Variants in ZNF367 observed in about 807,000 individuals in gnomAD.
ZNF367 encodes zinc finger protein 367, also known as C2H2 zinc finger protein ZFF29.
In ZNF367, 11 loss-of-function variants were observed where a neutral mutation model predicts 31.8. The ratio of observed to expected loss-of-function variants is 0.35; its 90% CI spans 0.22 to 0.57. ZNF367 has a LOEUF of 0.57. Among genes scored for constraint, ZNF367 ranks in the 20% least tolerant of loss-of-function variants. ZNF367 has a pLI of 0.85. For synonymous variants in ZNF367, 199 were observed against 202.4 expected, an observed-to-expected ratio of 0.98 and a Z score of 0.14; for missense variants, 353 against 484.1, an observed-to-expected ratio of 0.73 and a Z score of 2.54.
intron 1 of ZNF367, among the ~76,000 whole-genome samples, chr9:96,399,751 G>T (rs1831578476): frequency 6.6e-6 from 1 of 152,162 alleles, no homozygotes; most frequent in African/African-American, 2.4e-5. Flanking sequence ...CCGAGAGGTG[G>T]AGGTTGCAGT....
chr9:96,387,421 C>T lies in ZNF367; in HGVS notation c.*816G>A, dbSNP rs977831970. On this transcript the variant is annotated 3_prime_UTR_variant, in exon 5 of 5. Transcript: ENST00000375256. Reference sequence around the variant, plus strand: ...AAGTGCCAAATCTCATTACAGGGCCCTTAATATGTATTTTTAAAATTACCA... The same window carrying T: ...AAGTGCCAAATCTCATTACAGGGCCTTTAATATGTATTTTTAAAATTACCA... The T allele has an allele frequency of 1.1e-4, 17 of 152,148 alleles. No homozygotes were observed. The highest frequency in any genetic ancestry group is 3.9e-4 in the African/African-American group (16 of 41,436). 9.4% of individuals were successfully genotyped at this position (152,148 alleles called of 1,614,324 possible).
intron 4 of ZNF367, among the ~76,000 whole-genome samples, chr9:96,388,945 A>G (rs1316697417): frequency 6.6e-6 from 1 of 152,254 alleles, no homozygotes; most frequent in Admixed American, 6.5e-5. Flanking sequence ...ATTCTGTTAC[A>G]TGGCCAACTG....
chr9:96,405,092 T>G (rs1353332549), intron 1 of ZNF367, among the ~76,000 whole-genome samples: 4 of 152,004 alleles, frequency 2.6e-5, no homozygotes, highest in African/African-American at 4.8e-5. Flanking sequence ...GAGGCCAAGG[T>G]GGGTGGATCA....
intron 3 of ZNF367, 64 bp downstream of exon 3, chr9:96,394,759 A>G: frequency 6.9e-7 from 1 of 1,453,314 alleles, no homozygotes; most frequent in Non-Finnish European, 9.2e-7. Context: ...AAATTCAAGG[A>G]AAGGATATTT....
At chr9:96,413,784 GAACA>G (rs1189841819) in intron 1 of ZNF367, among the ~76,000 whole-genome samples, 2 of 152,172 alleles carry the variant, frequency 1.3e-5, no homozygotes, top group Non-Finnish European at 2.9e-5. Flanking sequence ...TGTTGGGCAG[GAACA>G]ATCAAAAGAG....
intron 4 of ZNF367, among the ~76,000 whole-genome samples, chr9:96,390,334 A>G (rs552457948): frequency 1.1e-3 from 161 of 152,328 alleles, no homozygotes; most frequent in African/African-American, 3.8e-3. Context: ...AGAAAGTGCA[A>G]ATTGTTCAGT....
At chr9:96,400,307 T>C (rs893934774) in intron 1 of ZNF367, among the ~76,000 whole-genome samples, 1 of 146,982 alleles carries the variant, frequency 6.8e-6, no homozygotes, top group African/African-American at 2.5e-5. Flanking sequence ...GTGGGAGAAT[T>C]ACTTGACCCT....
intron 1 of ZNF367, among the ~76,000 whole-genome samples, chr9:96,414,567 T>C (rs1028838825): frequency 6.6e-6 from 1 of 152,114 alleles, no homozygotes; most frequent in African/African-American, 2.4e-5. Context: ...AACCTCCGTC[T>C]CCAGGGTTCA....
At chr9:96,397,418 A>T (rs1447096661) in intron 2 of ZNF367, among the ~76,000 whole-genome samples, 1 of 152,158 alleles carries the variant, frequency 6.6e-6, no homozygotes, top group Non-Finnish European at 1.5e-5. Flanking sequence ...ACCATAGTTC[A>T]CCACAGATTT....
At chr9:96,406,775 C>T (rs113859922) in intron 1 of ZNF367, among the ~76,000 whole-genome samples, 2,757 of 149,028 alleles carry the variant, frequency 0.018, 85 homozygotes, top group African/African-American at 0.064. Context: ...CCGAGGCAGG[C>T]GGATCACGAG....
chr9:96,415,018 TG>T (rs1220179620), intron 1 of ZNF367, among the ~76,000 whole-genome samples: 3 of 151,918 alleles, frequency 2.0e-5, no homozygotes, highest in Non-Finnish European at 4.4e-5. Context: ...AACTTATAAA[TG>T]GTTAACACAA....
chr9:96,410,901 A>G (rs1231180136), intron 1 of ZNF367, among the ~76,000 whole-genome samples: 1 of 143,524 alleles, frequency 7.0e-6, no homozygotes, highest in Non-Finnish European at 1.6e-5. Context: ...AAAACAAAAC[A>G]AAAAAAACAT....
intron 3 of ZNF367, among the ~76,000 whole-genome samples, 175 bp from the exon 4 acceptor site, chr9:96,392,711 G>A (rs1831486356): frequency 6.6e-6 from 1 of 152,212 alleles, no homozygotes; most frequent in African/African-American, 2.4e-5. Flanking sequence ...GCTAGAGCGG[G>A]GACAGGAAGA....
intron 4 of ZNF367, 152 bp from the exon 5 acceptor site, chr9:96,388,611 G>A: frequency 1.3e-6 from 1 of 794,538 alleles, no homozygotes; most frequent in Non-Finnish European, 1.9e-6. Flanking sequence ...CCTATTTATA[G>A]AGGAAAGAAA....
chr9:96,412,563 C>G (rs1446814883), intron 1 of ZNF367, among the ~76,000 whole-genome samples: 2 of 152,330 alleles, frequency 1.3e-5, no homozygotes, highest in East Asian at 3.8e-4. Context: ...CTACCTACTT[C>G]CCATCCTGAC....
intron 2 of ZNF367, among the ~76,000 whole-genome samples, chr9:96,397,204 G>A (rs1831543650): frequency 6.6e-6 from 1 of 152,052 alleles, no homozygotes; most frequent in South Asian, 2.1e-4. Flanking sequence ...TTGTAAGCCG[G>A]TAGTAGTTGG....
At chr9:96,392,822 C>T (rs1831487407) in intron 3 of ZNF367, among the ~76,000 whole-genome samples, 1 of 152,190 alleles carries the variant, frequency 6.6e-6, no homozygotes, top group South Asian at 2.1e-4. Flanking sequence ...TGGTGGCTCA[C>T]GCCTGTAATC....
chr9:96,388,494 G>A, intron 4 of ZNF367, 35 bp from the exon 5 acceptor site: 1 of 1,563,242 alleles, frequency 6.4e-7, no homozygotes. Context: ...TTACATGGCA[G>A]ACATGAAATT....
intron 1 of ZNF367, among the ~76,000 whole-genome samples, chr9:96,411,783 A>C (rs1254923896): frequency 3.9e-5 from 6 of 152,126 alleles, no homozygotes; most frequent in Non-Finnish European, 7.4e-5. Flanking sequence ...CATACTGGCC[A>C]TATACAGGGA....
Sources: gnomAD v4.1 joint callset for allele counts (sites outside exome capture counted in the v4.1 genomes callset) on GRCh38, gnomAD v4.1.1 for gene constraint, MANE v1.5 for transcripts, NCBI Gene and HGNC (gene_info 2026-07-23, HGNC 2026-07-21) for gene names.